Variants in B3GALT1 observed in about 807,000 individuals in gnomAD.
B3GALT1 encodes the protein beta-1,3-galactosyltransferase 1.
Under a neutral mutation model 23.2 loss-of-function variants are expected in B3GALT1, and 10 were observed. The observed-to-expected ratio is 0.43, with a 90% CI of 0.27 to 0.73. The LOEUF (loss-of-function observed/expected upper bound fraction) is 0.73. Ranked by LOEUF, B3GALT1 falls within the 30% of genes least tolerant of loss-of-function variation. B3GALT1 has a pLI of 0.21. For synonymous variants in B3GALT1, 156 were observed against 141.5 expected (o/e 1.10, Z -0.73); for missense variants, 299 against 405.4 (o/e 0.74, Z 2.25).
chr2:167,617,049 A>G (rs1685173195), intron 2 of B3GALT1, among the ~76,000 whole-genome samples: 1 of 152,100 alleles, frequency 6.6e-6, no homozygotes, highest in Non-Finnish European at 1.5e-5. Flanking sequence ...TTTTGGAAGT[A>G]GGCAGTTTCA....
At chr2:167,813,398 A>G (rs1202498499) in intron 3 of B3GALT1, among the ~76,000 whole-genome samples, 2 of 152,240 alleles carry the variant, frequency 1.3e-5, no homozygotes, top group Non-Finnish European at 2.9e-5. Flanking sequence ...TAGAATAGAT[A>G]TAGTCAACAC....
intron 2 of B3GALT1, among the ~76,000 whole-genome samples, chr2:167,509,436 G>A (rs1250927045): frequency 1.3e-5 from 2 of 151,506 alleles, no homozygotes; most frequent in South Asian, 2.1e-4. Flanking sequence ...ATATACATAT[G>A]TGTGTGTGTG....
intron 1 of B3GALT1, among the ~76,000 whole-genome samples, chr2:167,308,836 T>C (rs866082086): frequency 9.9e-5 from 15 of 151,992 alleles, no homozygotes; most frequent in African/African-American, 3.1e-4. Flanking sequence ...TTTTCATCTG[T>C]ACGAAATCCT....
intron 1 of B3GALT1, among the ~76,000 whole-genome samples, chr2:167,445,042 C>T (rs189847927): frequency 1.3e-5 from 2 of 152,290 alleles, no homozygotes; most frequent in East Asian, 3.9e-4. Context: ...TTAAATGTGT[C>T]CCAGAGATTC....
At chr2:167,519,173 A>C (rs1280384570) in intron 2 of B3GALT1, among the ~76,000 whole-genome samples, 1 of 152,178 alleles carries the variant, frequency 6.6e-6, no homozygotes, top group Non-Finnish European at 1.5e-5. Context: ...TGGACACTTA[A>C]ATGGAATATG....
At chr2:167,835,871 A>G (rs1211680260) in intron 4 of B3GALT1, among the ~76,000 whole-genome samples, 6 of 152,228 alleles carry the variant, frequency 3.9e-5, no homozygotes, top group Non-Finnish European at 8.8e-5. Flanking sequence ...ACGGTTCACG[A>G]AAAACCACTG....
chr2:167,696,626 TGCCA>T (rs1324009637), intron 3 of B3GALT1, among the ~76,000 whole-genome samples: 2 of 152,188 alleles, frequency 1.3e-5, no homozygotes, highest in Non-Finnish European at 2.9e-5. Flanking sequence ...TTTCCCACTT[TGCCA>T]ACCTCACATA....
chr2:167,594,732 G>T (rs761666001), intron 2 of B3GALT1, among the ~76,000 whole-genome samples: 1 of 152,112 alleles, frequency 6.6e-6, no homozygotes, highest in Non-Finnish European at 1.5e-5. Context: ...GGCCAACGTG[G>T]TGAAACCCCG....
chr2:167,447,303 G>A (rs113474722), intron 1 of B3GALT1, among the ~76,000 whole-genome samples: 17,126 of 152,228 alleles, frequency 0.11, 1,130 homozygotes, highest in African/African-American at 0.19. Context: ...AGGCTACTCC[G>A]GGGTCAGGGA....
At position 167,765,896 on chromosome 2, in the gene B3GALT1, T is replaced by G. The variant is rs374700643; in HGVS notation, c.-351-52776T>G. ...TTTCCTCATACCTGGCTAAGGATCT[T>G]CCAAAAGCATTTAAACTCTGTTGCC... is the stretch of plus-strand genomic sequence containing the variant. On this transcript the variant is annotated intron_variant, in intron 3 of 4. Coordinates refer to ENST00000392690, the MANE Select transcript of B3GALT1 (RefSeq NM_020981.4). Among the ~76,000 whole-genome samples, 31 of 152,300 alleles carry G rather than the reference T, an allele frequency of 2.0e-4. No individual in the cohort carries two copies. In the East Asian group the frequency reaches 5.8e-3, roughly 28 times the overall value.
intron 2 of B3GALT1, among the ~76,000 whole-genome samples, chr2:167,572,052 G>A (rs1280890380): frequency 6.6e-6 from 1 of 151,732 alleles, no homozygotes; most frequent in Non-Finnish European, 1.5e-5. Flanking sequence ...AATCAGTATG[G>A]CGTCTAAGTC....
intron 4 of B3GALT1, among the ~76,000 whole-genome samples, chr2:167,822,455 T>C (rs1558991281): frequency 6.6e-6 from 1 of 152,170 alleles, no homozygotes; most frequent in Non-Finnish European, 1.5e-5. Flanking sequence ...CTCTAATTAT[T>C]TCATATCTTC....
Position 167,684,960 on chromosome 2 carries a change from C to A in B3GALT1, c.-352+37994C>A, listed in dbSNP as rs199817904. Among the ~76,000 whole-genome samples, 11 of 152,262 alleles carry A rather than the reference C, an allele frequency of 7.2e-5. No homozygotes were observed. The East Asian group carries it at 2.1e-3, about 29-fold the overall frequency. On this transcript the variant is annotated intron_variant, in intron 3 of 4. Transcript: ENST00000392690. ...GGGCATAAACAACATCAACCACCAC[C>A]ACTTAAATCTGAAAATGAGTCCCAA...
At chr2:167,686,894 C>T (rs1189329265) in intron 3 of B3GALT1, among the ~76,000 whole-genome samples, 3 of 152,176 alleles carry the variant, frequency 2.0e-5, no homozygotes, top group Non-Finnish European at 4.4e-5. Context: ...CTGCTGATTC[C>T]TGTAACGCGG....
intron 1 of B3GALT1, among the ~76,000 whole-genome samples, chr2:167,450,996 T>G (rs1379565000): frequency 6.6e-6 from 1 of 152,088 alleles, no homozygotes; most frequent in South Asian, 2.1e-4. Flanking sequence ...AATGAGACTT[T>G]CCAGAACATT....
In B3GALT1 at chr2:167,314,563, G is replaced by C. The variant is rs1423460881; in HGVS notation, c.-511+21229G>C. ...CGGATTTACTTTGTTGTTTTCAAAG[G>C]CGAAAATATTCAAAACTGTGAATCG... On this transcript the variant is annotated intron_variant, in intron 1 of 4. Transcript: ENST00000392690. 3.3e-5 allele frequency among the ~76,000 whole-genome samples: 5 copies of C among 152,032 alleles called. No homozygotes were observed. The South Asian group carries it at 6.2e-4, about 19-fold the overall frequency.
chr2:167,631,261 A>C (rs1347195356), intron 2 of B3GALT1, among the ~76,000 whole-genome samples: 2 of 151,870 alleles, frequency 1.3e-5, no homozygotes, highest in African/African-American at 4.8e-5. Flanking sequence ...TGCCTGCTGA[A>C]GATGCTGATT....
At chr2:167,808,383 G>T (rs1000477895) in intron 3 of B3GALT1, among the ~76,000 whole-genome samples, 7 of 151,544 alleles carry the variant, frequency 4.6e-5, no homozygotes, top group South Asian at 2.1e-4. Flanking sequence ...AGTTGATGCA[G>T]TTTCTTCCTA....
chr2:167,593,653 A>G (rs1684722417), intron 2 of B3GALT1, among the ~76,000 whole-genome samples: 1 of 152,244 alleles, frequency 6.6e-6, no homozygotes, highest in African/African-American at 2.4e-5. Context: ...AATATGGTAG[A>G]AAAGAAGAAC....
Sources: allele counts gnomAD v4.1 joint callset (sites outside exome capture counted in the v4.1 genomes callset), GRCh38; gene constraint gnomAD v4.1.1; transcripts MANE v1.5; gene names NCBI Gene and HGNC (gene_info 2026-07-23, HGNC 2026-07-21).